PAXBP1: variants seen among roughly 807,000 people sequenced by gnomAD.
The protein encoded by PAXBP1 is PAX3- and PAX7-binding protein 1.
Under a neutral mutation model 119.9 loss-of-function variants are expected in PAXBP1, and 44 were observed. The ratio of observed to expected loss-of-function variants is 0.37; its 90% CI spans 0.29 to 0.47. The LOEUF (loss-of-function observed/expected upper bound fraction) is 0.47, where lower values mean the gene tolerates loss of function less well. Among genes scored for constraint, PAXBP1 ranks in the 20% least tolerant of loss-of-function variants. The pLI is 0.99. For missense variants in PAXBP1, 898 were observed against 1,134.1 expected, an observed-to-expected ratio of 0.79 and a Z score of 2.99; for synonymous variants, 393 against 406.6, an observed-to-expected ratio of 0.97 and a Z score of 0.40.
chr21:32,747,508 C>T (rs1309943896), intron 11 of PAXBP1, among the ~76,000 whole-genome samples: 1 of 152,188 alleles, frequency 6.6e-6, no homozygotes, highest in African/African-American at 2.4e-5. Flanking sequence ...AGCAAAACTT[C>T]AGAAGGTCTG....
intron 1 of PAXBP1, 45 bp downstream of exon 1, chr21:32,771,281 G>C (rs764540956): frequency 4.0e-6 from 6 of 1,509,326 alleles, no homozygotes; most frequent in Non-Finnish European, 4.4e-6. Flanking sequence ...GGGGGCCTGC[G>C]TCGGGGATGC....
chr21:32,766,560 C>T (rs1334693026), intron 2 of PAXBP1, among the ~76,000 whole-genome samples: 1 of 152,180 alleles, frequency 6.6e-6, no homozygotes, highest in Non-Finnish European at 1.5e-5. Flanking sequence ...CCATTGGTCC[C>T]TCTAGTTATT....
chr21:32,769,984 T>C (rs1250068473), intron 1 of PAXBP1, 42 bp from the exon 2 acceptor site: 7 of 1,420,398 alleles, frequency 4.9e-6, no homozygotes, highest in African/African-American at 2.9e-5. Flanking sequence ...AACTATTTTC[T>C]GAAAATATTT....
At chr21:32,749,405 G>A (rs2043925067) in intron 10 of PAXBP1, among the ~76,000 whole-genome samples, 2 of 152,034 alleles carry the variant, frequency 1.3e-5, no homozygotes, top group Non-Finnish European at 1.5e-5. Context: ...ATGTGAGCCA[G>A]GCTGGTCTCG....
chr21:32,752,944 T>C (rs910094558), intron 8 of PAXBP1, among the ~76,000 whole-genome samples: 4 of 152,066 alleles, frequency 2.6e-5, no homozygotes. Flanking sequence ...GTTGACTTTT[T>C]TTTTTACTGA....
intron 13 of PAXBP1, 110 bp downstream of exon 13, chr21:32,744,682 G>T: frequency 8.5e-7 from 1 of 1,182,260 alleles, no homozygotes. Context: ...GGCCCAAGTG[G>T]GAGAACCAGA....
rs1193886424 is a variant in PAXBP1 at position 32,744,842 on chromosome 21, A to G, written c.2140T>C (p.Leu714=). ...ACTACTGAAGGATATCCATTGATTA[A>G]TTTTAGTGTAATTCCCACCATTCTT... ...TSRMVGITLK[L]INGYPSVVNA... Residue 714 remains leucine, a synonymous_variant, in exon 13 of 18, where the codon TTA becomes CTA. Coordinates refer to ENST00000331923, the MANE Select transcript of PAXBP1 (RefSeq NM_016631.4). 6.2e-7 allele frequency: 1 copy of G among 1,606,974 alleles called. No homozygotes were observed. The highest frequency in any genetic ancestry group is 8.5e-7 in the Non-Finnish European group (1 of 1,175,892).
At chr21:32,741,721 CTTTGCGGA>C in intron 15 of PAXBP1, 1 of 532,186 alleles carries the variant, frequency 1.9e-6, no homozygotes, top group South Asian at 2.5e-5. Flanking sequence ...TTATGGTTGG[CTTTGCGGA>C]AAAGGGGTTC....
chr21:32,759,327 G>T, intron 6 of PAXBP1, 58 bp from the exon 7 acceptor site: 1 of 1,478,792 alleles, frequency 6.8e-7, no homozygotes, highest in Non-Finnish European at 9.2e-7. Flanking sequence ...TATGGTGTCA[G>T]GACTCTTGCA....
chr21:32,738,399 T>C (rs973375401), intron 15 of PAXBP1, 80 bp from the exon 16 acceptor site: 2 of 1,170,388 alleles, frequency 1.7e-6, no homozygotes, highest in Non-Finnish European at 2.4e-6. Flanking sequence ...TAAAACACCA[T>C]ATGAAATACA....
chr21:32,753,509 G>C (rs974763983), intron 8 of PAXBP1, among the ~76,000 whole-genome samples: 1 of 152,056 alleles, frequency 6.6e-6, no homozygotes, highest in Non-Finnish European at 1.5e-5. Context: ...GAGGAGACAG[G>C]TGAGTCTAAC....
At position 32,771,744 on chromosome 21, in the gene PAXBP1, C is replaced by G; in HGVS notation, c.-76G>C. On this transcript the variant is annotated 5_prime_UTR_variant, in exon 1 of 18. Transcript: ENST00000331923. ...GCAGCGCCGAGCTCGTGACGGCGCA[C>G]GCGCGCTCTCCGGAGCTCCAGCCGG... 8.1e-7 allele frequency: 1 copy of G among 1,239,050 alleles called. No individual in the cohort carries two copies. The highest frequency in any genetic ancestry group is 1.0e-6 in the Non-Finnish European group (1 of 967,550). 76.8% of individuals were successfully genotyped at this position (1,239,050 alleles called of 1,614,324 possible).
chr21:32,748,696 G>C lies in PAXBP1; in HGVS notation c.1726C>G (p.Arg576Gly). The change falls in exon 11 of 18, where the codon CGA becomes GGA. Residue 576 changes from arginine (R) to glycine (G), a missense_variant and splice_region_variant. This residue lies in a region of PAXBP1 where 599 missense variants were observed against 852.7 expected (regional missense o/e 0.70). Transcript: ENST00000331923. Reference protein sequence around the residue: ...DITNFNLEKDRISKESGKVFE... With the variant: ...DITNFNLEKDGISKESGKVFE... ...ACTTTGCCGGATTCTTTTGAAATTC[G>C]ATCTAAAAACAACAAAACCCCACAG... 1 of 1,607,526 alleles carries C rather than the reference G, an allele frequency of 6.2e-7. No homozygotes were observed. The highest frequency in any genetic ancestry group is 8.5e-7 in the Non-Finnish European group (1 of 1,176,994).
chr21:32,754,485 G>A (rs917828661), intron 8 of PAXBP1, among the ~76,000 whole-genome samples: 5 of 151,876 alleles, frequency 3.3e-5, no homozygotes, highest in African/African-American at 1.2e-4. Flanking sequence ...GGAGGGTAAC[G>A]GAAAAAAAGG....
At position 32,749,196 on chromosome 21, in the gene PAXBP1, AT is replaced by A. The variant is rs879356998; in HGVS notation, c.1724-499del. On this transcript the variant is annotated intron_variant, in intron 10 of 17. Coordinates refer to ENST00000331923, the MANE Select transcript of PAXBP1 (RefSeq NM_016631.4). ...AAGTGAAAAGTTATTTGCGAATAAGATTTTTTTTTTTTTTTTGAGACAGATT... is the reference window on the plus strand; with the variant it reads ...AAGTGAAAAGTTATTTGCGAATAAGATTTTTTTTTTTTTTTGAGACAGATT... 3.3e-3 allele frequency among the ~76,000 whole-genome samples: 474 copies of A among 142,512 alleles called. 1 individual carries two copies. The highest frequency in any genetic ancestry group is 7.3e-3 in the Middle Eastern group (2 of 274). The allele number at this position is 142,512 out of a possible 152,430, so 93.5% of individuals were successfully genotyped here.
At chr21:32,753,182 G>A (rs1471028643) in intron 8 of PAXBP1, among the ~76,000 whole-genome samples, 1 of 151,802 alleles carries the variant, frequency 6.6e-6, no homozygotes, top group Non-Finnish European at 1.5e-5. Flanking sequence ...TATACGGCTG[G>A]GCACGGTGGC....
chr21:32,770,604 A>AGTT (rs2044322571), intron 1 of PAXBP1, among the ~76,000 whole-genome samples: 1 of 152,240 alleles, frequency 6.6e-6, no homozygotes, highest in African/African-American at 2.4e-5. Flanking sequence ...TGGGTTATGC[A>AGTT]CATTCAAATG....
At chr21:32,737,879 G>T (rs2043715668) in intron 16 of PAXBP1, among the ~76,000 whole-genome samples, 1 of 151,914 alleles carries the variant, frequency 6.6e-6, no homozygotes, top group Non-Finnish European at 1.5e-5. Flanking sequence ...AGATAATAAG[G>T]TTATTATTCT....
At chr21:32,747,731 AT>A (rs1259225918) in intron 11 of PAXBP1, among the ~76,000 whole-genome samples, 2 of 152,008 alleles carry the variant, frequency 1.3e-5, no homozygotes, top group African/African-American at 4.8e-5. Context: ...TCCAGAGTCA[AT>A]TCTAGCCCCC....
Sources: gnomAD v4.1 joint callset for allele counts (sites outside exome capture counted in the v4.1 genomes callset) on GRCh38, gnomAD v4.1.1 for gene constraint, gnomAD v4.1.1 regional missense constraint, MANE v1.5 for transcripts, NCBI Gene and HGNC (gene_info 2026-07-23, HGNC 2026-07-21) for gene names.